SSX1: variants seen among roughly 807,000 people sequenced by gnomAD.
The protein encoded by SSX1 is protein SSX1.
SSX1 carries 58 observed loss-of-function variants against 14.6 expected under a neutral mutation model. The ratio of observed to expected loss-of-function variants is 3.96; its 90% CI spans 3.21 to 4.93. SSX1 has a LOEUF of 4.93. SSX1 is among the 30% of genes most tolerant of loss of function. The probability of loss-of-function intolerance (pLI) is 0.00; values close to 1 mark genes in which losing one functional copy is unlikely to be tolerated. For synonymous variants in SSX1, 46 were observed against 52.1 expected (o/e 0.88, Z 0.50); for missense variants, 272 against 143.1 (o/e 1.90, Z -4.60).
intron 5 of SSX1, among the ~76,000 whole-genome samples, 177 bp downstream of exon 5, chrX:48,261,992 C>G (rs1370730599): frequency 8.9e-6 from 1 of 112,076 alleles, no homozygotes; most frequent in Non-Finnish European, 1.9e-5. Context: ...ATCCTTAATA[C>G]TTCTTTTGTT....
intron 4 of SSX1, among the ~76,000 whole-genome samples, chrX:48,259,831 T>A (rs2059597770): frequency 9.4e-6 from 1 of 106,531 alleles, no homozygotes; most frequent in Non-Finnish European, 1.9e-5. Flanking sequence ...TGTGCCACAT[T>A]TTCTTAATCC....
chrX:48,262,427 G>A (rs781868613), intron 5 of SSX1, among the ~76,000 whole-genome samples: 10 of 112,053 alleles, frequency 8.9e-5, no homozygotes, highest in African/African-American at 2.6e-4. Flanking sequence ...GGGCCTACTG[G>A]TGCTTCCATT....
intron 6 of SSX1, 80 bp downstream of exon 6, chrX:48,263,997 A>T: frequency 8.6e-7 from 1 of 1,157,237 alleles, no homozygotes; most frequent in Non-Finnish European, 1.2e-6. Flanking sequence ...TGTGGCATGG[A>T]TCCCAGACAA....
At position 48,266,336 on chromosome X, in the gene SSX1, G is replaced by C; in HGVS notation, c.516G>C (p.Lys172Asn). Residue 172 changes from lysine to asparagine, a missense_variant, in exon 7 of 8, where the codon AAG becomes AAC. Transcript: ENST00000376919. ...HAWTHRLRER[K>N]QLVIYEEISD... ...GGACCCACAGACTGCGTGAGAGAAAGCAGCTGGTGATTTATGAAGAGATCA... is the reference window on the plus strand; with the variant it reads ...GGACCCACAGACTGCGTGAGAGAAACCAGCTGGTGATTTATGAAGAGATCA... 2 of 1,210,179 alleles carry C rather than the reference G, an allele frequency of 1.7e-6. No individual in the cohort carries two copies. Among genetic ancestry groups the C allele is most frequent in the Non-Finnish European group, 2.2e-6 (2 of 895,367 alleles).
chrX:48,262,039 C>G (rs2059605800), intron 5 of SSX1, among the ~76,000 whole-genome samples: 1 of 112,017 alleles, frequency 8.9e-6, no homozygotes, highest in African/African-American at 3.2e-5. Flanking sequence ...AAGCAGTTCA[C>G]ATGGATTAAT....
At chrX:48,264,260 T>C (rs1459475263) in intron 6 of SSX1, among the ~76,000 whole-genome samples, 2 of 112,219 alleles carry the variant, frequency 1.8e-5, no homozygotes, top group Non-Finnish European at 3.8e-5. Context: ...AGCGATTCTA[T>C]CTGTGATAAC....
At chrX:48,266,240 C>T (rs782634703) in intron 6 of SSX1, 47 bp from the exon 7 acceptor site, 10 of 1,207,706 alleles carry the variant, frequency 8.3e-6, no homozygotes, top group Non-Finnish European at 1.1e-5. Flanking sequence ...GAGCCTAACA[C>T]TCTTCAACGT....
At position 48,266,945 on chromosome X, in the gene SSX1, T is replaced by G. The variant is rs1469085025; in HGVS notation, c.*96T>G. On this transcript the variant is annotated 3_prime_UTR_variant, in exon 8 of 8. Coordinates refer to ENST00000376919, the MANE Select transcript of SSX1 (RefSeq NM_005635.4). ...TGGCTGCGGCTCCCTCGTCATCAGG[T>G]GCATAGCAAGTGAAAGCAAGTGTTC... 2 of 961,192 alleles carry G rather than the reference T, an allele frequency of 2.1e-6. No individual in the cohort carries two copies. Among genetic ancestry groups the G allele is most frequent in the Admixed American group, 2.3e-5 (1 of 44,267 alleles). 79.2% of individuals were successfully genotyped at this position (961,192 alleles called of 1,213,427 possible).
chrX:48,266,051 T>C (rs2059621941), intron 6 of SSX1, among the ~76,000 whole-genome samples: 1 of 110,995 alleles, frequency 9.0e-6, no homozygotes, highest in Admixed American at 9.7e-5. Context: ...AGTGAAGAGG[T>C]TGGTAATCTA....
chrX:48,257,850 G>T lies in SSX1; in HGVS notation c.174G>T (p.Met58Ile). The part of the protein sequence containing the change: ...YVYMKRNYKA[M>I]TKLGFKVTLP... ...ATATGAAGAGAAACTATAAGGCCAT[G>T]ACTAAACTAGGTAACAGAAAGTTCT... The change falls in exon 3 of 8, where the codon ATG becomes ATT. Residue 58 changes from methionine (M) to isoleucine (I), a missense_variant. Physicochemically the swap from Met to Ile is conservative, Grantham distance 10 (BLOSUM62 1). Coordinates refer to ENST00000376919, the MANE Select transcript of SSX1 (RefSeq NM_005635.4). 6 of 1,168,348 alleles carry T rather than the reference G, an allele frequency of 5.1e-6. No homozygotes were observed. The highest frequency in any genetic ancestry group is 7.0e-6 in the Non-Finnish European group (6 of 861,821).
At position 48,266,941 on chromosome X, in the gene SSX1, C is replaced by G. The variant is rs1160612268; in HGVS notation, c.*92C>G. ...GGCATGGCTGCGGCTCCCTCGTCAT[C>G]AGGTGCATAGCAAGTGAAAGCAAGT... On this transcript the variant is annotated 3_prime_UTR_variant, in exon 8 of 8. Coordinates refer to ENST00000376919, the MANE Select transcript of SSX1 (RefSeq NM_005635.4). 1.0e-6 allele frequency: 1 copy of G among 975,332 alleles called. No individual in the cohort carries two copies. The highest frequency in any genetic ancestry group is 1.9e-5 in the African/African-American group (1 of 51,898). The allele number at this position is 975,332 out of a possible 1,213,427, so 80.4% of individuals were successfully genotyped here. A position where few individuals can be genotyped will look rare whatever the true frequency, so the allele number is the denominator to read the frequency against.
chrX:48,257,736 T>A lies in SSX1; in HGVS notation c.70-10T>A. On this transcript the variant is annotated splice_polypyrimidine_tract_variant and intron_variant, in intron 2 of 7. Transcript: ENST00000376919. ...TGAGTCACTGACAAATTTTATTTTA[T>A]TTTTTTTAGGCCTTTGATGATATTG... The A allele has an allele frequency of 8.5e-7, 1 of 1,170,274 alleles. No individual in the cohort carries two copies. The highest frequency in any genetic ancestry group is 1.8e-5 in the South Asian group (1 of 54,462).
At chrX:48,256,675 C>G (rs2059583223) in intron 1 of SSX1, among the ~76,000 whole-genome samples, 1 of 109,373 alleles carries the variant, frequency 9.1e-6, no homozygotes, top group African/African-American at 3.3e-5. Flanking sequence ...GATTCTAGCT[C>G]TCTTCCTTCT....
At chrX:48,257,677 A>G in intron 2 of SSX1, 69 bp from the exon 3 acceptor site, 1 of 1,142,403 alleles carries the variant, frequency 8.8e-7, no homozygotes, top group Non-Finnish European at 1.2e-6. Context: ...AGCACACAGG[A>G]AGCGGCTCCA....
intron 6 of SSX1, among the ~76,000 whole-genome samples, chrX:48,264,999 C>T (rs781794712): frequency 1.1e-4 from 12 of 111,632 alleles, no homozygotes; most frequent in African/African-American, 1.9e-4. Context: ...TAGTTTCACA[C>T]GTTTCTTCAC....
Position 48,266,406 on chromosome X carries a change from G to A in SSX1, c.*4+15G>A, listed in dbSNP as rs782625259. The A allele has an allele frequency of 4.2e-5, 51 of 1,208,141 alleles. No homozygotes were observed. The highest frequency in any genetic ancestry group is 5.4e-5 in the Non-Finnish European group (48 of 894,903). ...CGAGTAACTCCGTAAGTGAACCTTC[G>A]GCTCACCCTCCACATCCCTGCAGAT... On this transcript the variant is annotated intron_variant, in intron 7 of 7. Coordinates refer to ENST00000376919, the MANE Select transcript of SSX1 (RefSeq NM_005635.4).
intron 1 of SSX1, among the ~76,000 whole-genome samples, chrX:48,256,452 G>GTTGTTT (rs2059581820): frequency 1.6e-5 from 1 of 63,192 alleles, no homozygotes; most frequent in Non-Finnish European, 3.1e-5. Context: ...TTTTTGTGTG[G>GTTGTTT]TTGTTTTTTT....
At chrX:48,261,624 A>T in intron 4 of SSX1, 142 bp from the exon 5 acceptor site, 1 of 682,136 alleles carries the variant, frequency 1.5e-6, no homozygotes, top group Admixed American at 2.7e-5. Flanking sequence ...ACTAAACATA[A>T]TTCAGAAGCA....
rs781815428 is a variant in SSX1 at position 48,266,396 on chromosome X, G to A, written c.*4+5G>A. ...AGGAAGATGACGAGTAACTCCGTAA[G>A]TGAACCTTCGGCTCACCCTCCACAT... On this transcript the variant is annotated splice_donor_5th_base_variant and intron_variant, in intron 7 of 7. Transcript: ENST00000376919. 3 of 1,210,247 alleles carry A rather than the reference G, an allele frequency of 2.5e-6. No homozygotes were observed. The highest frequency in any genetic ancestry group is 3.0e-5 in the East Asian group (1 of 33,843).
Sources: allele counts gnomAD v4.1 joint callset (sites outside exome capture counted in the v4.1 genomes callset), GRCh38; gene constraint gnomAD v4.1.1; transcripts MANE v1.5; gene names NCBI Gene and HGNC (gene_info 2026-07-23, HGNC 2026-07-21).